Variants in MAK observed in about 807,000 individuals in gnomAD.
MAK encodes the protein male germ cell associated kinase, also known as serine/threonine-protein kinase MAK.
Under a neutral mutation model 82.6 loss-of-function variants are expected in MAK, and 65 were observed. The observed-to-expected ratio is 0.79, with a 90% CI of 0.64 to 0.97. MAK has a LOEUF of 0.97. Among genes scored for constraint, MAK ranks in the 50% least tolerant of loss-of-function variants. MAK has a pLI of 0.00. For missense variants in MAK, 703 were observed against 780.2 expected (o/e 0.90, Z 1.18); for synonymous variants, 250 against 274.2 (o/e 0.91, Z 0.87).
intron 5 of MAK, 57 bp downstream of exon 5, chr6:10,813,587 G>T: frequency 1.0e-6 from 1 of 963,746 alleles, no homozygotes; most frequent in Non-Finnish European, 1.7e-6. Context: ...AAATTTGTAT[G>T]CACAATCTGG....
intron 11 of MAK, chr6:10,780,336 G>T: frequency 3.1e-6 from 2 of 655,062 alleles, no homozygotes; most frequent in Non-Finnish European, 3.8e-6. Context: ...AAAACAGGGT[G>T]CTTTGGCTCA....
intron 1 of MAK, among the ~76,000 whole-genome samples, chr6:10,833,606 A>AAATAATAATAATAAT (rs36209814): frequency 8.2e-4 from 121 of 147,798 alleles, no homozygotes; most frequent in Non-Finnish European, 1.3e-3. Context: ...CTCTGTCTCA[A>AAATAATAATAATAAT]AATAATAATA....
intron 4 of MAK, among the ~76,000 whole-genome samples, chr6:10,814,498 G>A (rs914775170): frequency 4.0e-5 from 6 of 150,254 alleles, no homozygotes; most frequent in African/African-American, 1.5e-4. Flanking sequence ...GTGAAACCTT[G>A]TGTCTACAAA....
At chr6:10,825,204 C>T (rs555544738) in intron 2 of MAK, among the ~76,000 whole-genome samples, 181 of 147,680 alleles carry the variant, frequency 1.2e-3, no homozygotes, top group African/African-American at 4.5e-3. Flanking sequence ...CATTTGAGGA[C>T]AAAAACAATG....
intron 10 of MAK, among the ~76,000 whole-genome samples, chr6:10,785,857 G>A (rs1373390234): frequency 6.6e-6 from 1 of 152,136 alleles, no homozygotes; most frequent in East Asian, 1.9e-4. Flanking sequence ...GTTGAAGAGA[G>A]GCTTAATTCC....
chr6:10,806,298 CCAAGTTA>C (rs1776443270), intron 6 of MAK, among the ~76,000 whole-genome samples: 1 of 151,344 alleles, frequency 6.6e-6, no homozygotes, highest in Non-Finnish European at 1.5e-5. Context: ...CCTCAGCCTC[CCAAGTTA>C]CAAGTATGTG....
At chr6:10,794,890 G>C (rs1477497856) in intron 9 of MAK, among the ~76,000 whole-genome samples, 3 of 152,116 alleles carry the variant, frequency 2.0e-5, no homozygotes, top group African/African-American at 7.2e-5. Flanking sequence ...TACTCAGGAG[G>C]CTGAGGCAGG....
chr6:10,762,798 ATTAAT>A lies in MAK; in HGVS notation c.*1649_*1653del, dbSNP rs757140634. On this transcript the variant is annotated 3_prime_UTR_variant, in exon 15 of 15. Coordinates refer to ENST00000354489, the MANE Select transcript of MAK (RefSeq NM_001242957.3). ...ACAAAAGACTGCACAGCTTTGAGAC[ATTAAT>A]TTAAACTGTACAAATACATATAACC... 1 of 152,674 alleles carries A rather than the reference ATTAAT, an allele frequency of 6.5e-6. No individual in the cohort carries two copies. The highest frequency in any genetic ancestry group is 1.5e-5 in the Non-Finnish European group (1 of 68,042). The allele number at this position is 152,674 out of a possible 1,614,324, so 9.5% of individuals were successfully genotyped here.
At chr6:10,770,448 G>C (rs1477631666) in intron 13 of MAK, among the ~76,000 whole-genome samples, 2 of 152,144 alleles carry the variant, frequency 1.3e-5, no homozygotes, top group Non-Finnish European at 2.9e-5. Context: ...CCAATGTTGA[G>C]TAACTTGCCT....
At chr6:10,830,928 A>G in intron 1 of MAK, 51 bp from the exon 2 acceptor site, 1 of 408,210 alleles carries the variant, frequency 2.4e-6, no homozygotes, top group Non-Finnish European at 4.6e-6. Context: ...AAGTCTCTTC[A>G]AAAATTGTAC....
At chr6:10,780,580 G>A (rs1773873509) in intron 11 of MAK, among the ~76,000 whole-genome samples, 1 of 150,278 alleles carries the variant, frequency 6.7e-6, no homozygotes, top group Admixed American at 6.7e-5. Context: ...TCAGCCTCCT[G>A]AGTAGCTGGG....
intron 10 of MAK, among the ~76,000 whole-genome samples, chr6:10,790,880 G>A (rs1226611665): frequency 1.3e-5 from 2 of 152,186 alleles, no homozygotes; most frequent in African/African-American, 2.4e-5. Flanking sequence ...TTGCGGTAAC[G>A]AGTGAGTTCT....
intron 5 of MAK, among the ~76,000 whole-genome samples, chr6:10,813,130 ATATAAATTTTTTT>A (rs1777164358): frequency 6.5e-3 from 5 of 770 alleles, no homozygotes; most frequent in African/African-American, 0.015. Flanking sequence ...ATATATATAT[ATATAAATTTTTTT>A]TTTTTTTTTT....
At chr6:10,821,451 T>C (rs1034554135) in intron 2 of MAK, among the ~76,000 whole-genome samples, 2 of 151,820 alleles carry the variant, frequency 1.3e-5, no homozygotes, top group Admixed American at 1.3e-4. Context: ...AATTTTTGTA[T>C]TTTTAGTACA....
intron 14 of MAK, among the ~76,000 whole-genome samples, chr6:10,767,120 T>C (rs1772518305): frequency 6.6e-6 from 1 of 151,604 alleles, no homozygotes; most frequent in Admixed American, 6.6e-5. Context: ...ATAGTGAGCC[T>C]TGCAATGCTT....
chr6:10,818,779 A>G, intron 3 of MAK, 107 bp downstream of exon 3: 1 of 719,388 alleles, frequency 1.4e-6, no homozygotes, highest in Non-Finnish European at 2.5e-6. Flanking sequence ...GGAAAAACAA[A>G]CAAAATTATC....
In MAK at chr6:10,783,836, C is replaced by T. The variant is rs570526361; in HGVS notation, c.1465+588G>A. Among the ~76,000 whole-genome samples the T allele has an allele frequency of 6.2e-4, 94 of 152,212 alleles. No individual in the cohort carries two copies. The South Asian group carries it at 6.6e-3, about 11-fold the overall frequency. ...GAGATCGAGACCATCCCGGCTAACA[C>T]GGTGAAACACCATCTCTACTAAAAA... On this transcript the variant is annotated intron_variant, in intron 11 of 14. Transcript: ENST00000354489.
At chr6:10,810,694 G>A (rs1776861255) in intron 5 of MAK, among the ~76,000 whole-genome samples, 1 of 152,116 alleles carries the variant, frequency 6.6e-6, no homozygotes, top group South Asian at 2.1e-4. Context: ...AAGCCAGAGT[G>A]GGCTCTGTTT....
chr6:10,828,029 AG>A (rs1778511530), intron 2 of MAK, among the ~76,000 whole-genome samples: 1 of 152,088 alleles, frequency 6.6e-6, no homozygotes, highest in African/African-American at 2.4e-5. Flanking sequence ...TGTTTTTTTT[AG>A]TTCATCAAAT....
Sources: allele counts gnomAD v4.1 joint callset (sites outside exome capture counted in the v4.1 genomes callset), GRCh38; gene constraint gnomAD v4.1.1; transcripts MANE v1.5; gene names NCBI Gene and HGNC (gene_info 2026-07-23, HGNC 2026-07-21).